The following ZNG1E variants were observed in gnomAD, a reference collection of about 807,000 sequenced individuals.
ZNG1E encodes the protein Zn regulated GTPase metalloprotein activator 1E.
At chr9:65,662,232 A>G in the ZNG1E span, among the ~76,000 whole-genome samples, 15 of 152,312 alleles carry the variant, frequency 9.8e-5, no homozygotes, top group East Asian at 1.9e-4. Flanking sequence ...ACATTCTACA[A>G]AACAACTGAC....
At chr9:65,721,506 T>C in the ZNG1E span, among the ~76,000 whole-genome samples, 1 of 150,116 alleles carries the variant, frequency 6.7e-6, no homozygotes, top group South Asian at 2.1e-4. Context: ...AATAGTAAAG[T>C]AAACTCCTTG....
At chr9:65,667,012 G>T in the ZNG1E span, among the ~76,000 whole-genome samples, 6 of 152,128 alleles carry the variant, frequency 3.9e-5, no homozygotes, top group Non-Finnish European at 8.8e-5. Context: ...GTAGGGACAC[G>T]GTTTCACCAT....
At chr9:65,732,782 A>T in the ZNG1E span, 1 of 1,398,716 alleles carries the variant, frequency 7.1e-7, no homozygotes, top group Non-Finnish European at 9.3e-7. Context: ...TTCAAAAAAA[A>T]AACAATACAC....
At chr9:65,663,887 C>T in the ZNG1E span, among the ~76,000 whole-genome samples, 14 of 151,882 alleles carry the variant, frequency 9.2e-5, no homozygotes, top group African/African-American at 3.1e-4. Context: ...TATAGTACTC[C>T]CTGAGGTAGT....
chr9:65,686,552 C>T, the ZNG1E span, among the ~76,000 whole-genome samples: 3 of 152,012 alleles, frequency 2.0e-5, no homozygotes, highest in Admixed American at 2.0e-4. Context: ...AGGAGAATGG[C>T]TTGAACCCGG....
chr9:65,666,968 G>T, the ZNG1E span, among the ~76,000 whole-genome samples: 1 of 151,662 alleles, frequency 6.6e-6, no homozygotes, highest in Non-Finnish European at 1.5e-5. Flanking sequence ...TTACAGGAGT[G>T]TGCTATCACA....
At chr9:65,678,597 G>A in the ZNG1E span, among the ~76,000 whole-genome samples, 1 of 145,744 alleles carries the variant, frequency 6.9e-6, no homozygotes, top group Non-Finnish European at 1.5e-5. Context: ...ATACTATGCA[G>A]TTAGGATTTT....
chr9:65,659,564 G>A, the ZNG1E span, among the ~76,000 whole-genome samples: 1 of 151,564 alleles, frequency 6.6e-6, no homozygotes. Flanking sequence ...CTGTGTCAGA[G>A]GATATGAAGT....
At chr9:65,668,442 TA>T in the ZNG1E span, among the ~76,000 whole-genome samples, 1 of 150,198 alleles carries the variant, frequency 6.7e-6, no homozygotes. Context: ...TTGAATTTTT[TA>T]TAGTTATAAT....
At chr9:65,680,842 G>A in the ZNG1E span, among the ~76,000 whole-genome samples, 1 of 151,970 alleles carries the variant, frequency 6.6e-6, no homozygotes, top group African/African-American at 2.4e-5. Flanking sequence ...AGGCTGGAGT[G>A]CAGTGGCACA....
the ZNG1E span, among the ~76,000 whole-genome samples, chr9:65,680,650 T>G: frequency 6.6e-6 from 1 of 152,270 alleles, no homozygotes. Context: ...CTTTTAGAAC[T>G]TCACCGTTTG....
At chr9:65,728,651 C>A in the ZNG1E span, among the ~76,000 whole-genome samples, 2 of 148,084 alleles carry the variant, frequency 1.4e-5, 1 homozygote, top group South Asian at 4.3e-4. Context: ...CAGATACAAC[C>A]CTCCTAGCTT....
the ZNG1E span, among the ~76,000 whole-genome samples, chr9:65,680,612 T>G: frequency 6.6e-6 from 1 of 152,242 alleles, no homozygotes; most frequent in Non-Finnish European, 1.5e-5. Flanking sequence ...AACTACTCGA[T>G]TTTATGGGAG....
At chr9:65,677,857 T>G in the ZNG1E span, among the ~76,000 whole-genome samples, 1 of 151,732 alleles carries the variant, frequency 6.6e-6, no homozygotes, top group Non-Finnish European at 1.5e-5. Context: ...TTACTGTGAC[T>G]CCTCTGGCTA....
the ZNG1E span, among the ~76,000 whole-genome samples, chr9:65,698,872 T>G: frequency 7.4e-6 from 1 of 135,226 alleles, no homozygotes; most frequent in Non-Finnish European, 1.6e-5. Flanking sequence ...TGAAGATTTT[T>G]TATATATATA....
the ZNG1E span, among the ~76,000 whole-genome samples, chr9:65,710,624 C>A: frequency 6.6e-6 from 1 of 152,048 alleles, no homozygotes. Flanking sequence ...CCTTTCCCCA[C>A]TGCTTGTTTT....
chr9:65,667,312 A>C, the ZNG1E span, among the ~76,000 whole-genome samples: 1 of 152,226 alleles, frequency 6.6e-6, no homozygotes, highest in Non-Finnish European at 1.5e-5. Context: ...ACATGTGTAA[A>C]TTTATGGATA....
the ZNG1E span, among the ~76,000 whole-genome samples, chr9:65,712,032 T>G: frequency 0.016 from 1,862 of 117,628 alleles, no homozygotes; most frequent in African/African-American, 0.029. Context: ...CAATTTCAGA[T>G]CCTGTTATTG....
chr9:65,713,192 G>T, the ZNG1E span, among the ~76,000 whole-genome samples: 3 of 136,106 alleles, frequency 2.2e-5, no homozygotes, highest in African/African-American at 5.6e-5. Context: ...GCCTTTTTTT[G>T]TTTTCCATTT....
Sources: gnomAD v4.1 joint callset for allele counts (sites outside exome capture counted in the v4.1 genomes callset) on GRCh38, gnomAD v4.1.1 for gene constraint, MANE v1.5 for transcripts, NCBI Gene and HGNC (gene_info 2026-07-23, HGNC 2026-07-21) for gene names.